The following SETDB1 variants were observed in gnomAD, a reference collection of about 807,000 sequenced individuals.
SETDB1 encodes SET domain bifurcated histone lysine methyltransferase 1, also known as histone-lysine N-methyltransferase SETDB1.
Under a neutral mutation model 137.4 loss-of-function variants are expected in SETDB1, and 31 were observed. That is an observed-to-expected ratio of 0.23 (90% CI 0.17 to 0.30). The LOEUF is 0.30. Among genes scored for constraint, SETDB1 ranks in the 10% least tolerant of loss-of-function variants. The probability of loss-of-function intolerance (pLI) is 1.00; values close to 1 mark genes in which losing one functional copy is unlikely to be tolerated. For synonymous variants in SETDB1, 548 were observed against 579.9 expected, an observed-to-expected ratio of 0.95 and a Z score of 0.79; for missense variants, 1,113 against 1,631.5, an observed-to-expected ratio of 0.68 and a Z score of 5.47.
chr1:150,927,567 G>C (rs1360761822), intron 1 of SETDB1, 137 bp from the exon 2 acceptor site: 1 of 724,170 alleles, frequency 1.4e-6, no homozygotes, highest in Non-Finnish European at 2.3e-6. Flanking sequence ...CTGGAGAATA[G>C]GGAGGGAGAA....
chr1:150,946,955 T>G lies in SETDB1; in HGVS notation c.1210T>G (p.Ser404Ala), dbSNP rs1279973683. 1.2e-6 allele frequency: 2 copies of G among 1,614,136 alleles called. No individual in the cohort carries two copies. Among genetic ancestry groups the G allele is most frequent in the Non-Finnish European group, 1.7e-6 (2 of 1,180,014 alleles). Residue 404 changes from serine to alanine, a missense_variant, in exon 10 of 22, where the codon TCC becomes GCC. Physicochemically the swap from Ser to Ala is moderately conservative, Grantham distance 99. Transcript: ENST00000692827. ...GGAGCCCATGTTCAGCATGAAAACA[T>G]CCTCAGCCTCTGCACTGGAGAAGAA... ...RLEPMFSMKT[S>A]SASALEKKQG...
intron 15 of SETDB1, among the ~76,000 whole-genome samples, chr1:150,959,714 A>G (rs1670761712): frequency 6.6e-6 from 1 of 152,246 alleles, no homozygotes; most frequent in South Asian, 2.1e-4. Context: ...AGAAAGGGCA[A>G]GATTTAAAAT....
At chr1:150,964,133 G>A (rs752354827) in intron 21 of SETDB1, 50 bp downstream of exon 21, 4 of 1,564,292 alleles carry the variant, frequency 2.6e-6, no homozygotes, top group Non-Finnish European at 2.6e-6. Context: ...GACCACTGAA[G>A]TTCTAAGGGC....
intron 14 of SETDB1, among the ~76,000 whole-genome samples, chr1:150,958,825 C>A (rs780830602): frequency 3.6e-4 from 54 of 152,040 alleles, no homozygotes; most frequent in Non-Finnish European, 6.8e-4. Flanking sequence ...ACAAATTGAC[C>A]GTCCATATAG....
chr1:150,929,523 C>T (rs587738326), intron 2 of SETDB1, among the ~76,000 whole-genome samples: 27 of 151,968 alleles, frequency 1.8e-4, no homozygotes, highest in Admixed American at 1.2e-3. Flanking sequence ...GGACGACAAG[C>T]GTGTGCCACC....
At chr1:150,945,314 A>T in intron 9 of SETDB1, 1 of 1,434,544 alleles carries the variant, frequency 7.0e-7, no homozygotes, top group East Asian at 2.5e-5. Flanking sequence ...CTGAATTATA[A>T]TACGAATCTG....
intron 14 of SETDB1, among the ~76,000 whole-genome samples, chr1:150,957,176 C>G (rs944142430): frequency 6.6e-6 from 1 of 151,478 alleles, no homozygotes; most frequent in East Asian, 1.9e-4. Context: ...GAGTTCAAGA[C>G]CAGCCTGGCC....
At position 150,959,233 on chromosome 1, in the gene SETDB1, T is replaced by C. The variant is rs1406604468; in HGVS notation, c.2389T>C (p.Leu797=). 1 of 1,602,230 alleles carries C rather than the reference T, an allele frequency of 6.2e-7. No individual in the cohort carries two copies. Among genetic ancestry groups the C allele is most frequent in the East Asian group, 2.3e-5 (1 of 44,058 alleles). The change falls in exon 15 of 22, where the codon TTG becomes CTG. Residue 797 remains leucine, a synonymous_variant. Transcript: ENST00000692827. ...TGACCCAAACATGTGCACAAACCGGTTGGTGCAACATGGACTACAAGTTCG... is the reference window on the plus strand; with the variant it reads ...TGACCCAAACATGTGCACAAACCGGCTGGTGCAACATGGACTACAAGTTCG... ...KCDPNMCTNR[L]VQHGLQVRLQ... is the part of the protein sequence containing the mutation.
At chr1:150,964,125 C>G in intron 21 of SETDB1, 42 bp downstream of exon 21, 1 of 1,572,902 alleles carries the variant, frequency 6.4e-7, no homozygotes, top group Non-Finnish European at 8.8e-7. Context: ...GGGGCAAGGA[C>G]CACTGAAGTT....
chr1:150,963,934 T>C, intron 20 of SETDB1, 61 bp from the exon 21 acceptor site: 5 of 1,502,976 alleles, frequency 3.3e-6, no homozygotes, highest in Non-Finnish European at 4.6e-6. Context: ...ACTCTCACTC[T>C]CCCTGCAAAG....
rs587721669 is a variant in SETDB1 at position 150,930,029 on chromosome 1, G to T, written c.323G>T (p.Arg108Leu). ...DFYSKLGLQYRDSSSEDESSR... is the reference protein window; with the variant it reads ...DFYSKLGLQYLDSSSEDESSR... Reference sequence around the variant, plus strand: ...TACTCCAAGCTGGGACTACAATACCGGGACAGTAGCTCTGAGGACGAATCT... The same window carrying T: ...TACTCCAAGCTGGGACTACAATACCTGGACAGTAGCTCTGAGGACGAATCT... The change falls in exon 3 of 22, where the codon CGG (arginine) becomes CTG (leucine). Residue 108 changes from arginine (R) to leucine (L), a missense_variant. By Grantham distance (102) the Arg-to-Leu change is moderately radical. Coordinates refer to ENST00000692827, the MANE Select transcript of SETDB1 (RefSeq NM_001366418.1). 7 of 1,613,812 alleles carry T rather than the reference G, an allele frequency of 4.3e-6. No homozygotes were observed. In the African/African-American group the frequency reaches 9.3e-5, roughly 22 times the overall value.
At chr1:150,932,244 A>G (rs1669783719) in intron 3 of SETDB1, among the ~76,000 whole-genome samples, 1 of 151,516 alleles carries the variant, frequency 6.6e-6, no homozygotes, top group African/African-American at 2.4e-5. Flanking sequence ...TTAAAAAAAA[A>G]GAAAGAAAAA....
At chr1:150,952,599 C>T (rs1670521315) in intron 14 of SETDB1, among the ~76,000 whole-genome samples, 2 of 152,050 alleles carry the variant, frequency 1.3e-5, no homozygotes, top group Admixed American at 1.3e-4. Flanking sequence ...TGAAATGCCG[C>T]CGGGCGCAGT....
Position 150,958,226 on chromosome 1 carries a change from C to CT in SETDB1, c.2334-941dup, listed in dbSNP as rs796507284. 5.4e-3 allele frequency among the ~76,000 whole-genome samples: 724 copies of CT among 134,600 alleles called. 3 individuals are homozygous for CT. Among genetic ancestry groups the CT allele is most frequent in the Non-Finnish European group, 9.4e-3 (592 of 62,846 alleles). 88.3% of individuals were successfully genotyped at this position (134,600 alleles called of 152,430 possible). The stretch of plus-strand genomic sequence containing the variant: ...GCTCCCTGAGGGTAGAAATTATGAC[C>CT]TTTTTTTTTTTCTTTTTTTTCTTTT... On this transcript the variant is annotated intron_variant, in intron 14 of 21. Transcript: ENST00000692827.
rs1482999278 is a variant in SETDB1 at position 150,949,396 on chromosome 1, G to A, written c.1454G>A (p.Arg485Gln). 7 of 1,614,002 alleles carry A rather than the reference G, an allele frequency of 4.3e-6. No homozygotes were observed. The highest frequency in any genetic ancestry group is 1.1e-5 in the South Asian group (1 of 91,084). The change falls in exon 12 of 22, where the codon CGG becomes CAG. Residue 485 changes from arginine (R) to glutamine (Q), a missense_variant. Transcript: ENST00000692827. ...TTGGAAAGCCAGCTTGCCCAGTCAC[G>A]GAAGCAGGTAGCCAAAAAGAGCACG... ...ESLESQLAQS[R>Q]KQVAKKSTSF...
intron 14 of SETDB1, among the ~76,000 whole-genome samples, chr1:150,953,237 T>C (rs1670547372): frequency 6.6e-6 from 1 of 151,796 alleles, no homozygotes; most frequent in Admixed American, 6.6e-5. Flanking sequence ...AAAAAAAAAT[T>C]GTTGGGGCTG....
At chr1:150,963,307 C>T (rs1276289050) in intron 19 of SETDB1, 168 bp downstream of exon 19, 1 of 715,598 alleles carries the variant, frequency 1.4e-6, no homozygotes. Flanking sequence ...TTGACACATC[C>T]TCTCTCATTT....
chr1:150,945,391 C>A, intron 9 of SETDB1: 1 of 979,896 alleles, frequency 1.0e-6, no homozygotes, highest in Non-Finnish European at 1.4e-6. Flanking sequence ...ACAGAAAGGG[C>A]AGCCAATTCC....
At chr1:150,962,466 C>A in intron 17 of SETDB1, 121 bp from the exon 18 acceptor site, 1 of 930,624 alleles carries the variant, frequency 1.1e-6, no homozygotes, top group Non-Finnish European at 1.7e-6. Flanking sequence ...CATGAGCTAC[C>A]GTGTCCAGCC....
Sources: allele counts gnomAD v4.1 joint callset (sites outside exome capture counted in the v4.1 genomes callset), GRCh38; gene constraint gnomAD v4.1.1; transcripts MANE v1.5; gene names NCBI Gene and HGNC (gene_info 2026-07-23, HGNC 2026-07-21).